The following POFUT2 variants were observed in gnomAD, a reference collection of about 807,000 sequenced individuals.
POFUT2 encodes GDP-fucose protein O-fucosyltransferase 2.
Under a neutral mutation model 55.0 loss-of-function variants are expected in POFUT2, and 30 were observed. The observed-to-expected ratio is 0.55, with a 90% CI of 0.41 to 0.74. The LOEUF is 0.74. Ranked by LOEUF, POFUT2 falls within the 30% of genes least tolerant of loss-of-function variation. POFUT2 has a pLI of 0.00. For synonymous variants in POFUT2, 267 were observed against 231.1 expected, an observed-to-expected ratio of 1.16 and a Z score of -1.41; for missense variants, 524 against 562.6, an observed-to-expected ratio of 0.93 and a Z score of 0.69.
In POFUT2 at chr21:45,281,207, G is replaced by A. The variant is rs114377456; in HGVS notation, c.638+1142C>T. Among the ~76,000 whole-genome samples the A allele has an allele frequency of 6.0e-3, 906 of 152,266 alleles. 7 individuals are homozygous for A. Among genetic ancestry groups the A allele is most frequent in the African/African-American group, 0.02 (843 of 41,540 alleles). On this transcript the variant is annotated intron_variant, in intron 4 of 8. Coordinates refer to ENST00000349485, the MANE Select transcript of POFUT2 (RefSeq NM_133635.6). This position sits in a 1 kb window ranked among gnomAD's most constrained non-coding sequence, Gnocchi z 5.0. ...GTTTCTCCTAAATCAGGACCATCTA[G>A]TTGGAAGCCCCCTCTGGGCTCAGCT... is the stretch of plus-strand genomic sequence containing the variant.
At chr21:45,266,360 C>T in intron 8 of POFUT2, 7 of 1,299,866 alleles carry the variant, frequency 5.4e-6, no homozygotes, top group Non-Finnish European at 7.1e-6. Flanking sequence ...GGTGGGGAGA[C>T]CCTCACCACC....
At chr21:45,276,807 C>T (rs1450499958) in intron 6 of POFUT2, among the ~76,000 whole-genome samples, 1 of 152,188 alleles carries the variant, frequency 6.6e-6, no homozygotes, top group Non-Finnish European at 1.5e-5. Flanking sequence ...GGCCGAGTGA[C>T]TCCCTGAGTC....
chr21:45,266,269 T>C (rs2093153302), intron 8 of POFUT2: 1 of 1,367,240 alleles, frequency 7.3e-7, no homozygotes, highest in African/African-American at 1.5e-5. Flanking sequence ...CCAGAGCAAA[T>C]GTAACATGCA....
intron 7 of POFUT2, among the ~76,000 whole-genome samples, 157 bp downstream of exon 7, chr21:45,269,682 C>T (rs904680699): frequency 5.3e-4 from 80 of 152,106 alleles, no homozygotes; most frequent in Non-Finnish European, 9.6e-4. Flanking sequence ...CCTAGGAAAA[C>T]CAGAGACCTT....
In POFUT2 at chr21:45,282,205, C is replaced by T. The variant is rs1458565456; in HGVS notation, c.638+144G>A. ...CACATGCAAGCACTTCCCTAACCAC[C>T]ACCCCCCAGGGCCCCCAGGGTCCGC... On this transcript the variant is annotated intron_variant, in intron 4 of 8. Transcript: ENST00000349485. The surrounding 1 kb of genome is among the most constrained non-coding windows in gnomAD (Gnocchi z 4.6). 1.6e-6 allele frequency: 1 copy of T among 631,904 alleles called. No homozygotes were observed. Among genetic ancestry groups the T allele is most frequent in the Non-Finnish European group, 2.8e-6 (1 of 358,876 alleles). 39.1% of individuals were successfully genotyped at this position (631,904 alleles called of 1,614,324 possible). A position where few individuals can be genotyped will look rare whatever the true frequency, so the allele number is the denominator to read the frequency against.
intron 6 of POFUT2, among the ~76,000 whole-genome samples, chr21:45,274,984 C>G (rs568477597): frequency 6.6e-6 from 1 of 152,194 alleles, no homozygotes; most frequent in Non-Finnish European, 1.5e-5. Flanking sequence ...AAACAATCAG[C>G]GAACAGCTCC....
chr21:45,273,308 C>T (rs1419668476), intron 6 of POFUT2, among the ~76,000 whole-genome samples: 2 of 152,148 alleles, frequency 1.3e-5, no homozygotes, highest in East Asian at 1.9e-4. Context: ...CCTGGAAATA[C>T]ACAACCCTTC....
At position 45,270,842 on chromosome 21, in the gene POFUT2, G is replaced by A. The variant is rs2093213101; in HGVS notation, c.832-823C>T. ...AGCTCTCAGGGAGCCCCATCCCTAG[G>A]GGAAGGCGAAGAGCGCCACAGAGCA... On this transcript the variant is annotated intron_variant, in intron 6 of 8. Coordinates refer to ENST00000349485, the MANE Select transcript of POFUT2 (RefSeq NM_133635.6). The surrounding 1 kb of genome is among the most constrained non-coding windows in gnomAD (Gnocchi z 4.6). 6.6e-6 allele frequency among the ~76,000 whole-genome samples: 1 copy of A among 152,240 alleles called. No homozygotes were observed. Among genetic ancestry groups the A allele is most frequent in the South Asian group, 2.1e-4 (1 of 4,828 alleles).
In POFUT2 at chr21:45,287,798, TCCTGGCCGGAGGCAGAA is replaced by T. The variant is rs1019421998; in HGVS notation, c.57_73del (p.Ser20ValfsTer24). Reference sequence around the variant, plus strand: ...GGCCGCCGATTGTCCGGGCCAGAACTCCTGGCCGGAGGCAGAAGCCGGAGGCCAGGACACTGCCCCCA... The same window carrying T: ...GGCCGCCGATTGTCCGGGCCAGAACTGCCGGAGGCCAGGACACTGCCCCCA... On this transcript the variant is annotated frameshift_variant, in exon 1 of 9. Coordinates refer to ENST00000349485, the MANE Select transcript of POFUT2 (RefSeq NM_133635.6). LOFTEE classifies it high-confidence loss of function. The T allele has an allele frequency of 6.8e-7, 1 of 1,477,486 alleles. No individual in the cohort carries two copies. Among genetic ancestry groups the T allele is most frequent in the African/African-American group, 1.5e-5 (1 of 67,348 alleles). The allele number at this position is 1,477,486 out of a possible 1,614,324, so 91.5% of individuals were successfully genotyped here.
In POFUT2 at chr21:45,265,620, G is replaced by C. The variant is rs777184465; in HGVS notation, c.1152C>G (p.Thr384=). 4 of 1,612,848 alleles carry C rather than the reference G, an allele frequency of 2.5e-6. No homozygotes were observed. Among genetic ancestry groups the C allele is most frequent in the Non-Finnish European group, 2.5e-6 (3 of 1,179,620 alleles). Residue 384 remains threonine (T), a synonymous_variant, in exon 9 of 9, where the codon ACC becomes ACG. Coordinates refer to ENST00000349485, the MANE Select transcript of POFUT2 (RefSeq NM_133635.6). This position sits in a 1 kb window ranked among gnomAD's most constrained non-coding sequence, Gnocchi z 4.6. ...TCCGAAAAGAAAATGTTGAGACTGA[G>C]GTGCCAATAAAAAACCTGCAAAGGA... ...ICAHARFFIG[T]SVSTFSFRIH...
chr21:45,268,324 G>C (rs187111203), intron 7 of POFUT2, among the ~76,000 whole-genome samples: 1 of 152,082 alleles, frequency 6.6e-6, no homozygotes, highest in Non-Finnish European at 1.5e-5. Flanking sequence ...GCGTGATCTC[G>C]GCTCGCTACA....
chr21:45,268,506 C>T (rs1201542975), intron 7 of POFUT2, among the ~76,000 whole-genome samples: 1 of 151,826 alleles, frequency 6.6e-6, no homozygotes, highest in Non-Finnish European at 1.5e-5. Flanking sequence ...AGGAGCATCT[C>T]CGCCCGGCCG....
In POFUT2 at chr21:45,269,924, C is replaced by T. The variant is rs2093203586; in HGVS notation, c.927G>A (p.Leu309=). The T allele has an allele frequency of 6.2e-7, 1 of 1,610,208 alleles. No homozygotes were observed. Among genetic ancestry groups the T allele is most frequent in the Non-Finnish European group, 8.5e-7 (1 of 1,178,878 alleles). ...TGCGGATCTTCCTCACGGCCCCTTC[C>T]AGACTGGGTACATCCTGTCTGTGAC... ...IWGHRQDVPS[L]EGAVRKIRSL... Residue 309 remains leucine, a synonymous_variant, in exon 7 of 9, where the codon CTG becomes CTA. Coordinates refer to ENST00000349485, the MANE Select transcript of POFUT2 (RefSeq NM_133635.6).
chr21:45,279,428 T>C (rs1039892269), intron 4 of POFUT2, among the ~76,000 whole-genome samples: 5 of 152,078 alleles, frequency 3.3e-5, no homozygotes, highest in Non-Finnish European at 7.4e-5. Flanking sequence ...AACAAAAAAA[T>C]GTAATCTCTA....
chr21:45,283,085 C>A, intron 3 of POFUT2: 2 of 383,326 alleles, frequency 5.2e-6, no homozygotes, highest in Non-Finnish European at 1.0e-5. Flanking sequence ...GCCACAAGCG[C>A]TACCACCACA....
rs2031196255 is a variant in POFUT2, at chr21:45,284,863, A to T, written c.382+815T>A. Among the ~76,000 whole-genome samples the T allele has an allele frequency of 6.6e-6, 1 of 152,228 alleles. No individual in the cohort carries two copies. Reference sequence around the variant, plus strand: ...ACTTTCTGACTTGGTATCAACAAGGATGTTGGAGGTTACCGCCTGTTGTTG... The same window carrying T: ...ACTTTCTGACTTGGTATCAACAAGGTTGTTGGAGGTTACCGCCTGTTGTTG... On this transcript the variant is annotated intron_variant, in intron 2 of 8. Coordinates refer to ENST00000349485, the MANE Select transcript of POFUT2 (RefSeq NM_133635.6). The surrounding 1 kb of genome is among the most constrained non-coding windows in gnomAD (Gnocchi z 5.8).
Position 45,284,917 on chromosome 21 carries a change from T to C in POFUT2, c.382+761A>G, listed in dbSNP as rs1252224792. On this transcript the variant is annotated intron_variant, in intron 2 of 8. Transcript: ENST00000349485. The surrounding 1 kb of genome is among the most constrained non-coding windows in gnomAD (Gnocchi z 5.8). ...GCCCCTAGCACTCACAAGACTGACC[T>C]TGACACAGAAAACATTTCAGAGTGA... 2.0e-5 allele frequency among the ~76,000 whole-genome samples: 3 copies of C among 152,152 alleles called. No homozygotes were observed. The highest frequency in any genetic ancestry group is 7.2e-5 in the African/African-American group (3 of 41,422).
At chr21:45,268,841 G>A (rs1357255120) in intron 7 of POFUT2, among the ~76,000 whole-genome samples, 85 of 96,714 alleles carry the variant, frequency 8.8e-4, no homozygotes, top group Middle Eastern at 5.9e-3. Context: ...CCGGCCAGCC[G>A]CCCCGTCCGG....
chr21:45,269,884 G>A lies in POFUT2; in HGVS notation c.967C>T (p.His323Tyr), dbSNP rs1305980970. 6.2e-7 allele frequency: 1 copy of A among 1,611,110 alleles called. No individual in the cohort carries two copies. Among genetic ancestry groups the A allele is most frequent in the Admixed American group, 1.7e-5 (1 of 59,260 alleles). Residue 323 changes from histidine to tyrosine, a missense_variant, in exon 7 of 9, where the codon CAC (histidine) becomes TAC (tyrosine). Physicochemically the swap from His to Tyr is moderately conservative, Grantham distance 83. Around this residue, in one of 2 missense-constraint regions of POFUT2, gnomAD observed 250 missense variants for 318.2 expected, o/e 0.79. Transcript: ENST00000349485. Reference sequence around the variant, plus strand: ...GCCACAAACACCTTGTCCAGCCGGTGGGTCTTCATGAGGCTGCGGATCTTC... The same window carrying A: ...GCCACAAACACCTTGTCCAGCCGGTAGGTCTTCATGAGGCTGCGGATCTTC... ...VRKIRSLMKT[H>Y]RLDKVFVATD...
Sources: gnomAD v4.1 joint callset for allele counts (sites outside exome capture counted in the v4.1 genomes callset) on GRCh38, gnomAD v4.1.1 for gene constraint, gnomAD v4.1.1 regional missense constraint, Gnocchi (gnomAD v3.1) non-coding constraint, MANE v1.5 for transcripts, NCBI Gene and HGNC (gene_info 2026-07-23, HGNC 2026-07-21) for gene names.